The following CFDP1 variants were observed in gnomAD, a reference collection of about 807,000 sequenced individuals.
CFDP1 encodes the protein chromatin remodeling protein CFDP1, also known as heterochromatin-stabilizing protein CFDP1.
Under a neutral mutation model 40.1 loss-of-function variants are expected in CFDP1, and 31 were observed. The ratio of observed to expected loss-of-function variants is 0.77; its 90% CI spans 0.58 to 1.04. CFDP1 has a LOEUF of 1.04. CFDP1 is among the 50% of genes least tolerant of loss of function. The probability of loss-of-function intolerance (pLI) is 0.00; values close to 1 mark genes in which losing one functional copy is unlikely to be tolerated. For missense variants in CFDP1, 423 were observed against 343.4 expected, an observed-to-expected ratio of 1.23 and a Z score of -1.83; for synonymous variants, 167 against 120.0, an observed-to-expected ratio of 1.39 and a Z score of -2.56.
Position 75,407,450 on chromosome 16 carries a change from C to G in CFDP1, c.530+4375G>C, listed in dbSNP as rs191554344. Among the ~76,000 whole-genome samples, 12 of 151,834 alleles carry G rather than the reference C, an allele frequency of 7.9e-5. No homozygotes were observed. In the East Asian group the frequency reaches 2.3e-3, roughly 30 times the overall value. ...CCAGCACTTTGGTGGGCCAAGGCAG[C>G]AGGATCACTTGAGTCCAGGAGGTTC... On this transcript the variant is annotated intron_variant, in intron 4 of 6. Coordinates refer to ENST00000283882, the MANE Select transcript of CFDP1 (RefSeq NM_006324.3).
chr16:75,301,508 T>C (rs9922008), intron 6 of CFDP1, among the ~76,000 whole-genome samples: 91,016 of 143,584 alleles, frequency 0.63, 29,207 homozygotes, highest in Admixed American at 0.74. Flanking sequence ...TAAGTTTCTT[T>C]TTTCTCAACA....
intron 5 of CFDP1, among the ~76,000 whole-genome samples, chr16:75,341,416 T>C (rs1209102743): frequency 6.6e-6 from 1 of 152,182 alleles, no homozygotes; most frequent in East Asian, 1.9e-4. Flanking sequence ...TTTTCTTTTG[T>C]TTGTTCCTAG....
intron 1 of CFDP1, among the ~76,000 whole-genome samples, chr16:75,426,644 C>A (rs772892552): frequency 1.3e-5 from 2 of 152,028 alleles, no homozygotes; most frequent in Non-Finnish European, 2.9e-5. Context: ...CCACTGCATT[C>A]CAGCCTGGGC....
intron 5 of CFDP1, among the ~76,000 whole-genome samples, chr16:75,379,014 G>C (rs2078828481): frequency 6.6e-6 from 1 of 152,002 alleles, no homozygotes; most frequent in Non-Finnish European, 1.5e-5. Flanking sequence ...CAAAAAGAAA[G>C]TCTCAAGGGA....
chr16:75,316,493 C>G (rs2078323770), intron 5 of CFDP1, among the ~76,000 whole-genome samples: 1 of 147,182 alleles, frequency 6.8e-6, no homozygotes, highest in South Asian at 2.1e-4. Flanking sequence ...TCGCTTACGC[C>G]TAGGAGTTCA....
At chr16:75,348,149 T>C (rs2078583185) in intron 5 of CFDP1, among the ~76,000 whole-genome samples, 1 of 152,200 alleles carries the variant, frequency 6.6e-6, no homozygotes, top group South Asian at 2.1e-4. Flanking sequence ...AAGGTCTCAC[T>C]TACTATGTTG....
At chr16:75,305,348 A>C (rs1342296971) in intron 5 of CFDP1, 166 bp from the exon 6 acceptor site, 9 of 643,454 alleles carry the variant, frequency 1.4e-5, no homozygotes, top group Non-Finnish European at 2.4e-5. Flanking sequence ...CACTGTAAGT[A>C]AACTGGAATT....
intron 1 of CFDP1, among the ~76,000 whole-genome samples, chr16:75,426,875 T>G (rs1345330210): frequency 6.6e-6 from 1 of 151,730 alleles, no homozygotes; most frequent in African/African-American, 2.4e-5. Flanking sequence ...GCAAACATGG[T>G]GAAACCCCAT....
At chr16:75,323,416 G>A (rs929161465) in intron 5 of CFDP1, among the ~76,000 whole-genome samples, 4 of 151,438 alleles carry the variant, frequency 2.6e-5, no homozygotes, top group African/African-American at 9.7e-5. Flanking sequence ...GGACCTGCCT[G>A]AGGCTGTTTT....
intron 6 of CFDP1, among the ~76,000 whole-genome samples, 162 bp downstream of exon 6, chr16:75,304,862 C>T (rs531704458): frequency 1.3e-5 from 2 of 152,294 alleles, no homozygotes; most frequent in Admixed American, 1.3e-4. Context: ...CAGGCCCTGC[C>T]CCACACTGGA....
intron 5 of CFDP1, among the ~76,000 whole-genome samples, chr16:75,387,643 G>T (rs2078910728): frequency 6.6e-6 from 1 of 152,178 alleles, no homozygotes; most frequent in Non-Finnish European, 1.5e-5. Flanking sequence ...GCTGGGCAAT[G>T]ATACTCCTAC....
chr16:75,347,359 A>AAAAAAAAAAAAAAAG (rs1555556963), intron 5 of CFDP1, among the ~76,000 whole-genome samples: 2 of 53,668 alleles, frequency 3.7e-5, no homozygotes, highest in African/African-American at 8.2e-5. Context: ...AAAAAAAAAA[A>AAAAAAAAAAAAAAAG]AAAAAGAAAA....
At position 75,371,753 on chromosome 16, in the gene CFDP1, C is replaced by A. The variant is rs150327369; in HGVS notation, c.650+23337G>T. On this transcript the variant is annotated intron_variant, in intron 5 of 6. Transcript: ENST00000283882. Reference sequence around the variant, plus strand: ...TCAGTCTTGGTGTATTCTCCTCCAACTCAAAGGTTTCATTTAGTAGGAAGA... The same window carrying A: ...TCAGTCTTGGTGTATTCTCCTCCAAATCAAAGGTTTCATTTAGTAGGAAGA... Among the ~76,000 whole-genome samples the A allele has an allele frequency of 6.5e-3, 983 of 152,224 alleles. 7 individuals are homozygous for A. Among genetic ancestry groups the A allele is most frequent in the Middle Eastern group, 0.017 (5 of 294 alleles).
rs376041637 is a variant in CFDP1, at chr16:75,293,973, C to T, written c.879G>A (p.Arg293=). The stretch of plus-strand genomic sequence containing the variant: ...AACATCAAGGTTTCATTTTGCTCAG[C>T]CTGAGATCTCGCTCAATTTCAAACT... The part of the protein sequence containing the change: ...HRQFEIERDL[R]LSKMKP Residue 293 remains arginine, a synonymous_variant, in exon 7 of 7, where the codon AGG becomes AGA. Transcript: ENST00000283882. The T allele has an allele frequency of 4.2e-5, 67 of 1,613,998 alleles. No individual in the cohort carries two copies. Among genetic ancestry groups the T allele is most frequent in the Non-Finnish European group, 5.0e-5 (59 of 1,180,016 alleles).
chr16:75,352,208 G>A (rs977017258), intron 5 of CFDP1, among the ~76,000 whole-genome samples: 3 of 151,770 alleles, frequency 2.0e-5, no homozygotes, highest in East Asian at 1.9e-4. Context: ...AGGCATGGTG[G>A]TGCGTGCCTG....
In CFDP1 at chr16:75,366,433, G is replaced by C. The variant is rs377591968; in HGVS notation, c.650+28657C>G. ...AGGCAGGCAGCTCAGTATCAGCCTG[G>C]CCAACATGGTGAAACCCTGTCTCTA... is the stretch of plus-strand genomic sequence containing the variant. On this transcript the variant is annotated intron_variant, in intron 5 of 6. Transcript: ENST00000283882. Among the ~76,000 whole-genome samples, 10 of 152,092 alleles carry C rather than the reference G, an allele frequency of 6.6e-5. 1 individual carries two copies. Among genetic ancestry groups the C allele is most frequent in the Admixed American group, 5.2e-4 (8 of 15,268 alleles).
intron 5 of CFDP1, among the ~76,000 whole-genome samples, chr16:75,320,859 G>A (rs1221177544): frequency 3.3e-5 from 5 of 152,204 alleles, no homozygotes; most frequent in Non-Finnish European, 7.3e-5. Context: ...TCACACCAAG[G>A]AATAGTTTCC....
chr16:75,330,919 G>C (rs533583228), intron 5 of CFDP1, among the ~76,000 whole-genome samples: 4 of 144,834 alleles, frequency 2.8e-5, no homozygotes, highest in Non-Finnish European at 5.9e-5. Context: ...CTCTGAGGCA[G>C]ACAGGCCAGT....
chr16:75,407,028 TAAACAAGC>T (rs771466017), intron 4 of CFDP1, among the ~76,000 whole-genome samples: 14 of 151,998 alleles, frequency 9.2e-5, no homozygotes, highest in Non-Finnish European at 1.3e-4. Context: ...AATAAACAAA[TAAACAAGC>T]AAACAAATAA....
Sources: allele counts gnomAD v4.1 joint callset (sites outside exome capture counted in the v4.1 genomes callset), GRCh38; gene constraint gnomAD v4.1.1; transcripts MANE v1.5; gene names NCBI Gene and HGNC (gene_info 2026-07-23, HGNC 2026-07-21).